Variants in OPHN1 observed in about 807,000 individuals in gnomAD.
OPHN1 encodes oligophrenin 1, also known as oligophrenin-1.
A neutral mutation model predicts 60.7 loss-of-function variants in OPHN1; 11 were observed. The ratio of observed to expected loss-of-function variants is 0.18; its 90% confidence interval spans 0.11 to 0.30. The LOEUF (loss-of-function observed/expected upper bound fraction) is 0.30, where lower values mean the gene tolerates loss of function less well. Among genes scored for constraint, OPHN1 ranks in the 10% least tolerant of loss-of-function variants. The pLI is 1.00. For synonymous variants in OPHN1, 226 were observed against 222.6 expected (o/e 1.02, Z -0.14); for missense variants, 449 against 611.0 (o/e 0.73, Z 2.80).
chrX:68,074,435 A>G (rs1331029051), intron 19 of OPHN1, among the ~76,000 whole-genome samples: 1 of 111,740 alleles, frequency 8.9e-6, no homozygotes, highest in Non-Finnish European at 1.9e-5. Context: ...ATCATTAGTA[A>G]TAATAGTCTA....
intron 15 of OPHN1, among the ~76,000 whole-genome samples, chrX:68,153,461 C>T (rs1339539713): frequency 9.0e-6 from 1 of 110,966 alleles, no homozygotes; most frequent in Non-Finnish European, 1.9e-5. Context: ...CACCAGATAC[C>T]CTCTCAAGCA....
intron 2 of OPHN1, among the ~76,000 whole-genome samples, chrX:68,316,859 T>C (rs1366605397): frequency 1.8e-5 from 2 of 112,110 alleles, no homozygotes; most frequent in Admixed American, 9.5e-5. Flanking sequence ...TTTATAAATT[T>C]AAGTGAGTAG....
At chrX:68,414,222 T>G (rs184373538) in intron 2 of OPHN1, among the ~76,000 whole-genome samples, 1 of 111,361 alleles carries the variant, frequency 9.0e-6, no homozygotes, top group South Asian at 3.8e-4. Context: ...TAAATAACAA[T>G]GCTAATCTTT....
chrX:68,130,429 A>G (rs1004688676), intron 15 of OPHN1, among the ~76,000 whole-genome samples: 48 of 111,984 alleles, frequency 4.3e-4, no homozygotes, highest in African/African-American at 1.6e-3. Flanking sequence ...AAATCTACCC[A>G]AAGTATGTAG....
chrX:68,250,469 G>GCAGA (rs892712098), intron 5 of OPHN1, among the ~76,000 whole-genome samples: 1 of 111,165 alleles, frequency 9.0e-6, no homozygotes, highest in Non-Finnish European at 1.9e-5. Context: ...CTAGTAAGTA[G>GCAGA]CAGAGTTGGC....
At chrX:68,242,468 A>C (rs2077786263) in intron 5 of OPHN1, among the ~76,000 whole-genome samples, 1 of 111,689 alleles carries the variant, frequency 9.0e-6, no homozygotes, top group Admixed American at 9.6e-5. Context: ...TGAACTGCTG[A>C]TGGGAAAGTA....
At chrX:68,207,361 G>C (rs2077564303) in intron 9 of OPHN1, among the ~76,000 whole-genome samples, 1 of 110,149 alleles carries the variant, frequency 9.1e-6, no homozygotes, top group Non-Finnish European at 1.9e-5. Flanking sequence ...TTGATCTCCT[G>C]ACCTCGTGAT....
intron 2 of OPHN1, among the ~76,000 whole-genome samples, chrX:68,415,830 C>T (rs12011752): frequency 0.043 from 4,655 of 108,707 alleles, 286 homozygotes; most frequent in African/African-American, 0.15. Context: ...GCCTGGCCAA[C>T]ATGGTGAAAC....
chrX:68,203,625 A>G (rs1279483207), intron 10 of OPHN1, among the ~76,000 whole-genome samples: 2 of 111,953 alleles, frequency 1.8e-5, no homozygotes, highest in Admixed American at 9.5e-5. Context: ...CTCAGCTTCA[A>G]TGACATTGCA....
intron 19 of OPHN1, among the ~76,000 whole-genome samples, chrX:68,091,040 A>G (rs746833225): frequency 2.7e-5 from 3 of 111,325 alleles, no homozygotes; most frequent in East Asian, 2.8e-4. Flanking sequence ...GTCATCATCA[A>G]TGATGCAAAG....
intron 2 of OPHN1, among the ~76,000 whole-genome samples, chrX:68,302,817 G>A (rs1937435647): frequency 9.1e-6 from 1 of 110,457 alleles, no homozygotes; most frequent in African/African-American, 3.3e-5. Context: ...CTAGCTACTT[G>A]AGAGGCTGAG....
intron 5 of OPHN1, among the ~76,000 whole-genome samples, chrX:68,258,355 C>G (rs910357171): frequency 9.9e-6 from 1 of 100,838 alleles, no homozygotes; most frequent in Non-Finnish European, 2.0e-5. Context: ...CCCATTAACT[C>G]GTCATTTAAC....
chrX:68,146,938 A>G (rs1648299488), intron 15 of OPHN1, among the ~76,000 whole-genome samples: 1 of 112,275 alleles, frequency 8.9e-6, no homozygotes, highest in African/African-American at 3.2e-5. Flanking sequence ...ATGGCAACTG[A>G]AAATTGGAAT....
At chrX:68,115,681 C>T (rs976274942) in intron 16 of OPHN1, among the ~76,000 whole-genome samples, 1 of 111,876 alleles carries the variant, frequency 8.9e-6, no homozygotes, top group Non-Finnish European at 1.9e-5. Flanking sequence ...AGTTAGATTA[C>T]AATGAGTTAA....
intron 11 of OPHN1, 76 bp downstream of exon 11, chrX:68,201,543 G>A (rs1241758378): frequency 2.5e-6 from 2 of 811,552 alleles, no homozygotes; most frequent in African/African-American, 2.0e-5. Flanking sequence ...TGGGATGACG[G>A]AGGAAAATAA....
At chrX:68,165,042 G>A (rs1052925483) in intron 15 of OPHN1, among the ~76,000 whole-genome samples, 1 of 111,882 alleles carries the variant, frequency 8.9e-6, no homozygotes, top group Non-Finnish European at 1.9e-5. Flanking sequence ...GAATTGAAGA[G>A]TTAGAGTACT....
rs758229992 is a variant in OPHN1, at chrX:68,145,510, T to C, written c.1277-26178A>G. On this transcript the variant is annotated intron_variant, in intron 15 of 24. Coordinates refer to ENST00000355520, the MANE Select transcript of OPHN1 (RefSeq NM_002547.3). Reference sequence around the variant, plus strand: ...ATACTAATGTTTTTTATTCGTAAAGTATTTCAAATATAAAGACAAAAAGGT... The same window carrying C: ...ATACTAATGTTTTTTATTCGTAAAGCATTTCAAATATAAAGACAAAAAGGT... 2.7e-5 allele frequency among the ~76,000 whole-genome samples: 3 copies of C among 112,048 alleles called. No homozygotes were observed. The East Asian group carries it at 8.4e-4, about 31-fold the overall frequency.
intron 15 of OPHN1, among the ~76,000 whole-genome samples, chrX:68,150,643 A>T (rs2077281914): frequency 8.9e-6 from 1 of 111,862 alleles, no homozygotes; most frequent in Non-Finnish European, 1.9e-5. Flanking sequence ...AATGAAATGG[A>T]TTAGCAAATA....
intron 5 of OPHN1, among the ~76,000 whole-genome samples, chrX:68,254,716 T>C (rs1168759066): frequency 1.8e-5 from 2 of 110,924 alleles, no homozygotes; most frequent in African/African-American, 6.6e-5. Context: ...AACTATGCCA[T>C]GTGAAAAGAG....
Sources: gnomAD v4.1 joint callset for allele counts (sites outside exome capture counted in the v4.1 genomes callset) on GRCh38, gnomAD v4.1.1 for gene constraint, MANE v1.5 for transcripts, NCBI Gene and HGNC (gene_info 2026-07-23, HGNC 2026-07-21) for gene names.